The following DDX10 variants were observed in gnomAD, a reference collection of about 807,000 sequenced individuals.
The protein encoded by DDX10 is probable ATP-dependent RNA helicase DDX10.
A neutral mutation model predicts 104.3 loss-of-function variants in DDX10; 74 were observed. That is an observed-to-expected ratio of 0.71 (90% confidence interval 0.59 to 0.86). The LOEUF is 0.86. Ranked by LOEUF, DDX10 falls within the 40% of genes least tolerant of loss-of-function variation. The probability of loss-of-function intolerance (pLI) is 0.00; values close to 1 mark genes in which losing one functional copy is unlikely to be tolerated. For synonymous variants in DDX10, 351 were observed against 353.4 expected (o/e 0.99, Z 0.08); for missense variants, 952 against 1,040.0 (o/e 0.92, Z 1.16).
At chr11:108,860,339 A>G (rs1223798761) in intron 16 of DDX10, among the ~76,000 whole-genome samples, 5 of 152,182 alleles carry the variant, frequency 3.3e-5, no homozygotes, top group African/African-American at 1.2e-4. Flanking sequence ...TATTTTCTTA[A>G]ATGACATATA....
chr11:108,833,597 G>A (rs188723727), intron 13 of DDX10, among the ~76,000 whole-genome samples: 2 of 152,282 alleles, frequency 1.3e-5, no homozygotes, highest in Non-Finnish European at 1.5e-5. Context: ...ACTTCTTCAG[G>A]GGGGCAGGAC....
At chr11:108,717,327 G>C (rs1033608483) in intron 11 of DDX10, among the ~76,000 whole-genome samples, 1 of 152,174 alleles carries the variant, frequency 6.6e-6, no homozygotes, top group Non-Finnish European at 1.5e-5. Flanking sequence ...GTTTGTTTTT[G>C]ATACGCAGTT....
At chr11:108,897,812 T>C (rs1389511409) in intron 16 of DDX10, among the ~76,000 whole-genome samples, 1 of 152,132 alleles carries the variant, frequency 6.6e-6, no homozygotes, top group Non-Finnish European at 1.5e-5. Context: ...GGAGTCTTTT[T>C]CAAATACAGA....
Position 108,736,203 on chromosome 11 carries a change from A to G in DDX10, c.1965+12741A>G, listed in dbSNP as rs1222092409. On this transcript the variant is annotated intron_variant, in intron 13 of 17. Coordinates refer to ENST00000322536, the MANE Select transcript of DDX10 (RefSeq NM_004398.4). ...TTTGCTTCTTCCTTTGTCTCCCTCT[A>G]GGTTGGATTATTTTATCTTTTAATA... Among the ~76,000 whole-genome samples, 6 of 130,122 alleles carry G rather than the reference A, an allele frequency of 4.6e-5. No homozygotes were observed. The East Asian group carries it at 1.3e-3, about 28-fold the overall frequency. 85.4% of individuals were successfully genotyped at this position (130,122 alleles called of 152,430 possible). A position where few individuals can be genotyped will look rare whatever the true frequency, so the allele number is the denominator to read the frequency against.
intron 3 of DDX10, among the ~76,000 whole-genome samples, chr11:108,676,242 T>C (rs1480085734): frequency 2.0e-5 from 3 of 152,226 alleles, no homozygotes; most frequent in African/African-American, 7.2e-5. Flanking sequence ...CACTTCCATC[T>C]CTGTTACGTT....
At chr11:108,735,319 A>G (rs897452629) in intron 13 of DDX10, among the ~76,000 whole-genome samples, 1 of 152,216 alleles carries the variant, frequency 6.6e-6, no homozygotes, top group Non-Finnish European at 1.5e-5. Context: ...GCTGTGTGCT[A>G]GGCATTGAGA....
chr11:108,831,702 AAT>A (rs1214494300), intron 13 of DDX10, among the ~76,000 whole-genome samples: 1 of 152,028 alleles, frequency 6.6e-6, no homozygotes, highest in African/African-American at 2.4e-5. Context: ...ATTTTTTAAC[AAT>A]AGTTTTATTT....
intron 1 of DDX10, 147 bp downstream of exon 1, chr11:108,665,486 C>T: frequency 3.5e-6 from 3 of 869,028 alleles, no homozygotes; most frequent in Non-Finnish European, 5.1e-6. Flanking sequence ...ACAGCTCAAA[C>T]CTCTGCACCG....
Position 108,885,014 on chromosome 11 carries a change from A to G in DDX10, c.2304+32805A>G, listed in dbSNP as rs149200713. 9.0e-4 allele frequency among the ~76,000 whole-genome samples: 137 copies of G among 152,312 alleles called. 1 individual carries two copies. Among genetic ancestry groups the G allele is most frequent in the African/African-American group, 3.2e-3 (134 of 41,570 alleles). On this transcript the variant is annotated intron_variant, in intron 16 of 17. Coordinates refer to ENST00000322536, the MANE Select transcript of DDX10 (RefSeq NM_004398.4). ...ATGAAATTACCAAAAACACGAATCA[A>G]GCTTTTTTGAGTCTTCCCCCTCCCT...
intron 13 of DDX10, among the ~76,000 whole-genome samples, chr11:108,819,363 T>A (rs1225027519): frequency 6.6e-6 from 1 of 152,200 alleles, no homozygotes. Context: ...CATAGCCCTC[T>A]TGAGGGTAAT....
intron 13 of DDX10, among the ~76,000 whole-genome samples, chr11:108,800,400 G>A (rs867402745): frequency 2.3e-5 from 3 of 129,642 alleles, no homozygotes; most frequent in Non-Finnish European, 3.1e-5. Context: ...AGCCGAGATC[G>A]CGCCACTGCT....
intron 13 of DDX10, among the ~76,000 whole-genome samples, chr11:108,725,287 G>A (rs1045835785): frequency 3.3e-5 from 5 of 152,028 alleles, no homozygotes; most frequent in African/African-American, 1.2e-4. Flanking sequence ...ACATTTTTAT[G>A]TAGATAATTT....
chr11:108,782,472 G>A (rs1053321705), intron 13 of DDX10, among the ~76,000 whole-genome samples: 3 of 152,008 alleles, frequency 2.0e-5, no homozygotes, highest in Non-Finnish European at 4.4e-5. Context: ...GCATGCTTCT[G>A]TTCAGTACAT....
intron 16 of DDX10, among the ~76,000 whole-genome samples, chr11:108,888,903 T>C (rs1278334309): frequency 6.6e-6 from 1 of 152,214 alleles, no homozygotes; most frequent in Non-Finnish European, 1.5e-5. Flanking sequence ...GAACATAGTT[T>C]GTAGCTAGAA....
chr11:108,745,555 C>T (rs778812524), intron 13 of DDX10, among the ~76,000 whole-genome samples: 12 of 152,112 alleles, frequency 7.9e-5, no homozygotes, highest in South Asian at 2.1e-4. Context: ...TTCTATTTTA[C>T]GTTTTAATGT....
chr11:108,702,757 T>C (rs1370585105), intron 9 of DDX10, among the ~76,000 whole-genome samples: 1 of 152,156 alleles, frequency 6.6e-6, no homozygotes, highest in Non-Finnish European at 1.5e-5. Flanking sequence ...ACCAATCTGT[T>C]GAGTATTCTT....
chr11:108,769,755 T>C (rs1480471647), intron 13 of DDX10, among the ~76,000 whole-genome samples: 2 of 152,236 alleles, frequency 1.3e-5, no homozygotes, highest in Admixed American at 1.3e-4. Flanking sequence ...TTAGTCTCAA[T>C]AACCCTGTAA....
At chr11:108,867,080 A>G (rs1863016485) in intron 16 of DDX10, among the ~76,000 whole-genome samples, 1 of 152,220 alleles carries the variant, frequency 6.6e-6, no homozygotes, top group African/African-American at 2.4e-5. Flanking sequence ...TATAATAACA[A>G]TAAGTGGGGT....
intron 17 of DDX10, 106 bp from the exon 18 acceptor site, chr11:108,940,140 A>C: frequency 2.4e-6 from 3 of 1,232,772 alleles, no homozygotes; most frequent in Non-Finnish European, 1.1e-6. Context: ...GGTTTCCTTC[A>C]TTCTTGAATA....
Sources: allele counts gnomAD v4.1 joint callset (sites outside exome capture counted in the v4.1 genomes callset), GRCh38; gene constraint gnomAD v4.1.1; transcripts MANE v1.5; gene names NCBI Gene and HGNC (gene_info 2026-07-23, HGNC 2026-07-21).